Variants in EGFR observed in about 807,000 individuals in gnomAD.
EGFR encodes the protein epidermal growth factor receptor, also known as avian erythroblastic leukemia viral (v-erb-b) oncogene homolog.
A neutral mutation model predicts 143.0 loss-of-function variants in EGFR; 58 were observed. That is an observed-to-expected ratio of 0.41 (90% CI 0.33 to 0.50). The LOEUF is 0.50. Ranked by LOEUF, EGFR falls within the 20% of genes least tolerant of loss-of-function variation. The pLI is 0.39. For synonymous variants in EGFR, 613 were observed against 594.4 expected, an observed-to-expected ratio of 1.03 and a Z score of -0.45; for missense variants, 1,307 against 1,579.0, an observed-to-expected ratio of 0.83 and a Z score of 2.92.
chr7:55,200,548 C>T (rs774204822), intron 24 of EGFR, 135 bp downstream of exon 24: 35 of 905,808 alleles, frequency 3.9e-5, no homozygotes, highest in Non-Finnish European at 5.7e-5. Context: ...CGCATTAGAG[C>T]AAGCCTCAGT....
At chr7:55,094,559 T>C (rs1237347325) in intron 1 of EGFR, among the ~76,000 whole-genome samples, 1 of 152,226 alleles carries the variant, frequency 6.6e-6, no homozygotes, top group Non-Finnish European at 1.5e-5. Context: ...ATCTGGGTCA[T>C]GGGTTTCTAC....
intron 1 of EGFR, among the ~76,000 whole-genome samples, chr7:55,034,642 G>A (rs750616087): frequency 2.0e-5 from 3 of 152,290 alleles, no homozygotes; most frequent in South Asian, 2.1e-4. Context: ...TAAAAAATGC[G>A]CCAACCATCT....
intron 5 of EGFR, among the ~76,000 whole-genome samples, chr7:55,151,726 T>G (rs17336542): frequency 0.056 from 8,567 of 152,070 alleles, 346 homozygotes; most frequent in Non-Finnish European, 0.086. Flanking sequence ...TACAAAAAAT[T>G]AGCCGGGCGT....
At chr7:55,078,661 C>A (rs1790275153) in intron 1 of EGFR, among the ~76,000 whole-genome samples, 1 of 152,140 alleles carries the variant, frequency 6.6e-6, no homozygotes, top group Admixed American at 6.5e-5. Flanking sequence ...CCATGCAGAT[C>A]CCACGTGCAG....
At chr7:55,030,980 G>A (rs373914826) in intron 1 of EGFR, among the ~76,000 whole-genome samples, 20 of 152,300 alleles carry the variant, frequency 1.3e-4, no homozygotes, top group African/African-American at 4.6e-4. Context: ...TCAAAATGCA[G>A]TGTTCATTTT....
At chr7:55,147,888 C>G (rs1222258142) in intron 4 of EGFR, among the ~76,000 whole-genome samples, 2 of 152,218 alleles carry the variant, frequency 1.3e-5, no homozygotes, top group Non-Finnish European at 2.9e-5. Flanking sequence ...AGTATCTGTC[C>G]TTTTGTGTCT....
At chr7:55,054,717 C>T (rs372611392) in intron 1 of EGFR, among the ~76,000 whole-genome samples, 5 of 152,222 alleles carry the variant, frequency 3.3e-5, no homozygotes, top group Non-Finnish European at 1.5e-5. Flanking sequence ...GGACCCCTTG[C>T]GGGGCAGTGG....
At chr7:55,156,014 T>A (rs1785400958) in intron 8 of EGFR, 68 bp downstream of exon 8, 1 of 1,067,604 alleles carries the variant, frequency 9.4e-7, no homozygotes, top group Non-Finnish European at 1.4e-6. Flanking sequence ...TCATGCCACC[T>A]CCAAAGGAAC....
intron 10 of EGFR, among the ~76,000 whole-genome samples, chr7:55,157,363 G>T (rs1435851020): frequency 6.6e-6 from 1 of 152,244 alleles, no homozygotes; most frequent in Non-Finnish European, 1.5e-5. Flanking sequence ...ATCGCAGCAG[G>T]AGCCTCTTCG....
At chr7:55,165,233 A>C (rs1413679780) in intron 14 of EGFR, 47 bp from the exon 15 acceptor site, 1 of 1,613,270 alleles carries the variant, frequency 6.2e-7, no homozygotes, top group Non-Finnish European at 8.5e-7. Flanking sequence ...ATTTTGAAAG[A>C]GAAAAGAAAG....
intron 1 of EGFR, among the ~76,000 whole-genome samples, chr7:55,027,806 T>C (rs1786979679): frequency 6.6e-6 from 1 of 151,922 alleles, no homozygotes; most frequent in Non-Finnish European, 1.5e-5. Context: ...AATTGAGCCA[T>C]TGGTACTTGT....
intron 1 of EGFR, among the ~76,000 whole-genome samples, chr7:55,054,502 C>T (rs951682997): frequency 1.3e-5 from 2 of 152,224 alleles, no homozygotes; most frequent in African/African-American, 4.8e-5. Context: ...GCCACTTTTT[C>T]CTGGCGCGCC....
intron 11 of EGFR, 121 bp downstream of exon 11, chr7:55,157,874 A>G: frequency 2.0e-6 from 2 of 983,012 alleles, no homozygotes; most frequent in South Asian, 2.7e-5. Flanking sequence ...CGGCATTCCC[A>G]AATGCTATCT....
chr7:55,161,771 G>A (rs1237936510), intron 13 of EGFR, 140 bp downstream of exon 13: 5 of 1,414,194 alleles, frequency 3.5e-6, no homozygotes, highest in Non-Finnish European at 3.9e-6. Context: ...TGGGTTTTCT[G>A]TGGGGAGACG....
chr7:55,177,777 G>C (rs774996902), intron 19 of EGFR, among the ~76,000 whole-genome samples: 1 of 152,252 alleles, frequency 6.6e-6, no homozygotes, highest in African/African-American at 2.4e-5. Context: ...CCAACTGTGC[G>C]CTCTGCCTGC....
intron 13 of EGFR, among the ~76,000 whole-genome samples, chr7:55,162,600 C>T (rs1055164832): frequency 3.3e-5 from 5 of 152,174 alleles, no homozygotes; most frequent in African/African-American, 4.8e-5. Flanking sequence ...GTGATGAAAA[C>T]GCCCACGTGG....
chr7:55,050,752 C>G (rs73420781), intron 1 of EGFR, among the ~76,000 whole-genome samples: 6,581 of 152,258 alleles, frequency 0.043, 268 homozygotes, highest in South Asian at 0.13. Flanking sequence ...TTCACGCTCT[C>G]TCATCTTGGA....
chr7:55,040,406 A>G (rs867311373), intron 1 of EGFR, among the ~76,000 whole-genome samples: 3 of 152,318 alleles, frequency 2.0e-5, no homozygotes, highest in Middle Eastern at 3.4e-3. Context: ...GATCTGCATG[A>G]TTATAGTCCT....
intron 10 of EGFR, 97 bp from the exon 11 acceptor site, chr7:55,157,566 C>A: frequency 1.0e-6 from 1 of 983,492 alleles, no homozygotes; most frequent in South Asian, 1.3e-5. Flanking sequence ...ACTTACTGTT[C>A]ATATAATACA....
Sources: allele counts gnomAD v4.1 joint callset (sites outside exome capture counted in the v4.1 genomes callset), GRCh38; gene constraint gnomAD v4.1.1; transcripts MANE v1.5; gene names NCBI Gene and HGNC (gene_info 2026-07-23, HGNC 2026-07-21).